The following SLC13A5 variants were observed in gnomAD, a reference collection of about 807,000 sequenced individuals.
SLC13A5 encodes Na(+)/citrate cotransporter.
In SLC13A5, 25 loss-of-function variants were observed where a neutral mutation model predicts 56.5. The observed-to-expected ratio is 0.44, with a 90% confidence interval of 0.32 to 0.62. The LOEUF (loss-of-function observed/expected upper bound fraction) is 0.62, where lower values mean the gene tolerates loss of function less well. Among genes scored for constraint, SLC13A5 ranks in the 20% least tolerant of loss-of-function variants. The pLI is 0.04. For missense variants in SLC13A5, 649 were observed against 737.8 expected (o/e 0.88, Z 1.39); for synonymous variants, 307 against 301.5 (o/e 1.02, Z -0.19).
intron 10 of SLC13A5, chr17:6,688,597 CG>C (rs1973313657): frequency 6.6e-6 from 1 of 152,108 alleles, no homozygotes; most frequent in African/African-American, 2.4e-5. Context: ...GGTGAAACCC[CG>C]TCTCTACTAA....
Position 6,701,251 on chromosome 17 carries a change from G to A in SLC13A5, c.717-125C>T. ...GCCTGTGTGGAGGCCACATCCTCCT[G>A]AGGTCTAGCCACCAAGTCCATTGCC... is the stretch of plus-strand genomic sequence containing the variant. On this transcript the variant is annotated intron_variant, in intron 5 of 11. Transcript: ENST00000433363. The surrounding 1 kb of genome is among the most constrained non-coding windows in gnomAD (Gnocchi z 4.1). The A allele has an allele frequency of 7.4e-7, 1 of 1,354,034 alleles. No homozygotes were observed. The highest frequency in any genetic ancestry group is 1.5e-5 in the African/African-American group (1 of 68,948). The allele number at this position is 1,354,034 out of a possible 1,614,324, so 83.9% of individuals were successfully genotyped here.
At chr17:6,690,095 A>AAAAAAT (rs1567614265) in intron 10 of SLC13A5, 1 of 119,590 alleles carries the variant, frequency 8.4e-6, no homozygotes, top group Non-Finnish European at 1.7e-5. Context: ...AAAAAAAAAA[A>AAAAAAT]CCATAGCCAC....
chr17:6,706,921 A>G (rs1423684875), intron 2 of SLC13A5, 107 bp downstream of exon 2: 26 of 1,561,882 alleles, frequency 1.7e-5, no homozygotes, highest in Non-Finnish European at 2.3e-5. Context: ...GAATCCACAA[A>G]TGAGGGTTTT....
intron 6 of SLC13A5, among the ~76,000 whole-genome samples, chr17:6,699,108 T>TA (rs1320271497): frequency 5.5e-4 from 78 of 142,702 alleles, no homozygotes; most frequent in African/African-American, 1.7e-3. Context: ...TAAAATAAAA[T>TA]AAAGAAAGGA....
intron 10 of SLC13A5, among the ~76,000 whole-genome samples, chr17:6,690,429 A>G (rs56194383): frequency 0.25 from 37,853 of 152,148 alleles, 5,461 homozygotes; most frequent in East Asian, 0.64. Context: ...GTCCTCCTGC[A>G]CACCTGTGCT....
intron 4 of SLC13A5, 74 bp downstream of exon 4, chr17:6,703,804 G>A: frequency 6.9e-7 from 1 of 1,444,246 alleles, no homozygotes; most frequent in Non-Finnish European, 9.2e-7. Context: ...AGAAGGAGGT[G>A]GCCAAAGCAT....
intron 1 of SLC13A5, among the ~76,000 whole-genome samples, chr17:6,712,620 A>T (rs1974070836): frequency 6.6e-6 from 1 of 152,238 alleles, no homozygotes; most frequent in Non-Finnish European, 1.5e-5. Flanking sequence ...CTGGAGCAGG[A>T]TTATGAATCA....
chr17:6,693,301 A>G (rs1336528405), intron 8 of SLC13A5, 139 bp from the exon 9 acceptor site: 3 of 601,246 alleles, frequency 5.0e-6, no homozygotes, highest in South Asian at 2.1e-5. Context: ...ATGAGGTACC[A>G]TCTCCTACTT....
intron 5 of SLC13A5, among the ~76,000 whole-genome samples, 198 bp downstream of exon 5, chr17:6,702,772 G>A (rs147514246): frequency 8.6e-5 from 13 of 150,594 alleles, no homozygotes; most frequent in Admixed American, 8.6e-4. Flanking sequence ...CCTCTCTAAG[G>A]CTTCTGTGTG....
chr17:6,690,700 C>T (rs1973382294), intron 10 of SLC13A5, 79 bp downstream of exon 10: 7 of 1,593,162 alleles, frequency 4.4e-6, no homozygotes, highest in East Asian at 4.5e-5. Flanking sequence ...CTGGACATTG[C>T]TGCCTCGTCA....
intron 6 of SLC13A5, among the ~76,000 whole-genome samples, chr17:6,698,607 C>T (rs1471327234): frequency 6.6e-6 from 1 of 152,234 alleles, no homozygotes; most frequent in African/African-American, 2.4e-5. Flanking sequence ...GGGTTCAAGT[C>T]TCAGTCCCCC....
chr17:6,703,974 T>C lies in SLC13A5; in HGVS notation c.451A>G (p.Ile151Val), dbSNP rs1973791521. Residue 151 changes from isoleucine to valine, a missense_variant, in exon 4 of 12, where the codon ATC (isoleucine) becomes GTC (valine). By Grantham distance (29) the Ile-to-Val change is conservative. Coordinates refer to ENST00000433363, the MANE Select transcript of SLC13A5 (RefSeq NM_177550.5). ...ATCTGCTGCAATATGGCCTCCACGA[T>C]GGGCACCATCATGGCCGTGGTTGCC... is the stretch of plus-strand genomic sequence containing the variant. ...NTATTAMMVP[I>V]VEAILQQMEA... The C allele has an allele frequency of 6.2e-7, 1 of 1,612,924 alleles. No homozygotes were observed. Among genetic ancestry groups the C allele is most frequent in the East Asian group, 2.2e-5 (1 of 44,806 alleles).
intron 11 of SLC13A5, 85 bp from the exon 12 acceptor site, chr17:6,686,423 C>A: frequency 6.5e-7 from 1 of 1,540,446 alleles, no homozygotes; most frequent in Non-Finnish European, 8.9e-7. Flanking sequence ...GCTCACTGGG[C>A]CTCGATGTCC....
chr17:6,697,793 G>C (rs1055816713), intron 6 of SLC13A5, among the ~76,000 whole-genome samples: 2 of 151,852 alleles, frequency 1.3e-5, no homozygotes, highest in African/African-American at 4.8e-5. Context: ...GGTGGTCCTG[G>C]GGTGGGGTCT....
chr17:6,686,370 C>T (rs968071705), intron 11 of SLC13A5, 32 bp from the exon 12 acceptor site: 15 of 1,613,180 alleles, frequency 9.3e-6, no homozygotes, highest in African/African-American at 4.0e-5. Context: ...CACCCTGAGG[C>T]CTGCTGGGGA....
In SLC13A5 at chr17:6,706,783, A is replaced by T. The variant is rs1408446451; in HGVS notation, c.232-5T>A. The T allele has an allele frequency of 6.2e-7, 1 of 1,613,946 alleles. No homozygotes were observed. The highest frequency in any genetic ancestry group is 1.7e-5 in the Admixed American group (1 of 60,022). ...CTTCATGTACTGGACACACACCTGG[A>T]GCGTGGCACGAAGGCCTCATCAGGA... On this transcript the variant is annotated splice_region_variant and splice_polypyrimidine_tract_variant and intron_variant, in intron 2 of 11. Transcript: ENST00000433363.
At chr17:6,706,973 A>T in intron 2 of SLC13A5, 55 bp downstream of exon 2, 1 of 1,607,922 alleles carries the variant, frequency 6.2e-7, no homozygotes, top group Non-Finnish European at 8.5e-7. Flanking sequence ...TGGGGACTAG[A>T]GAAAGAGAGA....
chr17:6,691,054 G>C, intron 9 of SLC13A5, 114 bp from the exon 10 acceptor site: 5 of 1,147,382 alleles, frequency 4.4e-6, no homozygotes, highest in Non-Finnish European at 2.4e-6. Context: ...ACACCTCATA[G>C]GTGACCTCAT....
Position 6,692,929 on chromosome 17 carries a change from G to T in SLC13A5, c.1275+115C>A. The T allele has an allele frequency of 2.5e-6, 2 of 797,048 alleles. No individual in the cohort carries two copies. The highest frequency in any genetic ancestry group is 4.4e-6 in the Non-Finnish European group (2 of 451,172). The allele number at this position is 797,048 out of a possible 1,614,324, so 49.4% of individuals were successfully genotyped here. The stretch of plus-strand genomic sequence containing the variant: ...AGTCCATGTCCTCAAGGAATGTGCG[G>T]TTATACGAAGGATGCAGGCACAGAA... On this transcript the variant is annotated intron_variant, in intron 9 of 11. Transcript: ENST00000433363. This position sits in a 1 kb window ranked among gnomAD's most constrained non-coding sequence, Gnocchi z 5.5.
Sources: gnomAD v4.1 joint callset for allele counts (sites outside exome capture counted in the v4.1 genomes callset) on GRCh38, gnomAD v4.1.1 for gene constraint, Gnocchi (gnomAD v3.1) non-coding constraint, MANE v1.5 for transcripts, NCBI Gene and HGNC (gene_info 2026-07-23, HGNC 2026-07-21) for gene names.